LARP4B: variants seen among roughly 807,000 people sequenced by gnomAD.
The protein encoded by LARP4B is la-related protein 4B.
A neutral mutation model predicts 89.8 loss-of-function variants in LARP4B; 12 were observed. The observed-to-expected ratio is 0.13, with a 90% confidence interval of 0.09 to 0.22. The LOEUF (loss-of-function observed/expected upper bound fraction) is 0.22, where lower values mean the gene tolerates loss of function less well. LARP4B is among the 10% of genes least tolerant of loss of function. The pLI, the probability that LARP4B is intolerant of heterozygous loss-of-function variation, is 1.00. For missense variants in LARP4B, 757 were observed against 947.7 expected (o/e 0.80, Z 2.64); for synonymous variants, 367 against 363.3 (o/e 1.01, Z -0.12).
chr10:887,545 T>TA (rs1835894913), intron 1 of LARP4B, among the ~76,000 whole-genome samples: 1 of 135,520 alleles, frequency 7.4e-6, no homozygotes, highest in South Asian at 2.4e-4. Flanking sequence ...ACCTCATCTC[T>TA]CTAAAAAATT....
At chr10:914,692 G>C (rs1836769902) in intron 1 of LARP4B, among the ~76,000 whole-genome samples, 1 of 150,172 alleles carries the variant, frequency 6.7e-6, no homozygotes, top group Non-Finnish European at 1.5e-5. Flanking sequence ...CCACTCGAGA[G>C]GCTGAGGCAA....
At chr10:832,596 A>C (rs1832966283) in intron 8 of LARP4B, among the ~76,000 whole-genome samples, 1 of 152,270 alleles carries the variant, frequency 6.6e-6, no homozygotes, top group Admixed American at 6.5e-5. Flanking sequence ...AGCCAGAGAA[A>C]GACTTATTAC....
At chr10:856,227 C>T (rs185545447) in intron 5 of LARP4B, among the ~76,000 whole-genome samples, 2 of 152,220 alleles carry the variant, frequency 1.3e-5, no homozygotes, top group East Asian at 1.9e-4. Flanking sequence ...AAGTACATTG[C>T]GTATCTGGAC....
the LARP4B span, among the ~76,000 whole-genome samples, chr10:938,032 G>A: frequency 5.4e-5 from 8 of 147,494 alleles, no homozygotes; most frequent in Non-Finnish European, 1.2e-4. Flanking sequence ...CTACAGGCAC[G>A]CACCACCACA....
intron 8 of LARP4B, among the ~76,000 whole-genome samples, chr10:833,357 C>A (rs1833030830): frequency 6.6e-6 from 1 of 151,196 alleles, no homozygotes; most frequent in Admixed American, 6.6e-5. Context: ...CGGCATGCCG[C>A]CCACGGGCTG....
chr10:877,064 C>T (rs1483293927), intron 3 of LARP4B, among the ~76,000 whole-genome samples: 6 of 152,222 alleles, frequency 3.9e-5, no homozygotes, highest in Non-Finnish European at 8.8e-5. Context: ...TCCGAGGCGG[C>T]TCTGGGCAGC....
chr10:987,546 T>C, the LARP4B span: 1 of 152,246 alleles, frequency 6.6e-6, no homozygotes, highest in East Asian at 1.9e-4. Context: ...GTGCCTTTGT[T>C]TCCCCATGCA....
At chr10:851,174 CACTA>C (rs1229281103) in intron 5 of LARP4B, among the ~76,000 whole-genome samples, 165 of 149,372 alleles carry the variant, frequency 1.1e-3, no homozygotes, top group Non-Finnish European at 1.9e-3. Context: ...AAAATGAAAA[CACTA>C]ACTTTTTTTT....
At chr10:938,280 T>A in the LARP4B span, among the ~76,000 whole-genome samples, 1 of 148,764 alleles carries the variant, frequency 6.7e-6, no homozygotes, top group Non-Finnish European at 1.5e-5. Flanking sequence ...AGACGGAGTC[T>A]CGCTCTGTCA....
chr10:863,685 A>C, intron 5 of LARP4B, 58 bp downstream of exon 5: 1 of 1,509,744 alleles, frequency 6.6e-7, no homozygotes, highest in Non-Finnish European at 8.9e-7. Context: ...TCTAAATAAA[A>C]AAAATAAATA....
chr10:828,560 A>G (rs901250345), intron 11 of LARP4B, among the ~76,000 whole-genome samples: 2 of 152,178 alleles, frequency 1.3e-5, no homozygotes, highest in African/African-American at 2.4e-5. Flanking sequence ...CCTGAGGACC[A>G]CTCAGTCTTT....
At position 842,972 on chromosome 10, in the gene LARP4B, C is replaced by G; in HGVS notation, c.606G>C (p.Lys202Asn). The G allele has an allele frequency of 6.2e-7, 1 of 1,614,128 alleles. No individual in the cohort carries two copies. Among genetic ancestry groups the G allele is most frequent in the Non-Finnish European group, 8.5e-7 (1 of 1,179,958 alleles). The change falls in exon 7 of 18, where the codon AAG becomes AAC. Residue 202 changes from lysine (K) to asparagine (N), a missense_variant. By Grantham distance (94) the Lys-to-Asn change is moderately conservative. This residue lies in a region of LARP4B where 54 missense variants were observed against 96.0 expected (regional missense o/e 0.56). Coordinates refer to ENST00000316157, the MANE Select transcript of LARP4B (RefSeq NM_015155.3). ...CAATCAAGTCCACATCAGTGCTGAGCTTCTTGATGTGGTCGAGGTTAGCCA... is the reference window on the plus strand; with the variant it reads ...CAATCAAGTCCACATCAGTGCTGAGGTTCTTGATGTGGTCGAGGTTAGCCA... ...TTVANLDHIK[K>N]LSTDVDLIVE...
intron 14 of LARP4B, chr10:819,904 C>T (rs1216718334): frequency 6.6e-6 from 1 of 152,276 alleles, no homozygotes; most frequent in Admixed American, 6.5e-5. Context: ...CTCCAGCATT[C>T]CTTGTATGGA....
intron 5 of LARP4B, among the ~76,000 whole-genome samples, chr10:846,143 C>T (rs545632546): frequency 2.0e-5 from 3 of 152,224 alleles, no homozygotes; most frequent in South Asian, 2.1e-4. Flanking sequence ...AAGGTGTCTC[C>T]GGGTCACTCA....
intron 11 of LARP4B, among the ~76,000 whole-genome samples, chr10:828,793 C>T (rs181313235): frequency 2.8e-4 from 42 of 152,328 alleles, no homozygotes; most frequent in Non-Finnish European, 2.8e-4. Flanking sequence ...TGCTGACTCT[C>T]GTGCATCCAA....
At position 921,783 on chromosome 10, in the gene LARP4B, G is replaced by A. The variant is rs569403015; in HGVS notation, c.-40+9645C>T. 2.2e-4 allele frequency among the ~76,000 whole-genome samples: 34 copies of A among 152,216 alleles called. 1 individual carries two copies. In the South Asian group the frequency reaches 6.6e-3, roughly 30 times the overall value. On this transcript the variant is annotated intron_variant, in intron 1 of 17. Transcript: ENST00000316157. ...CTTAGGTTTAACTCTCCTGTACTGA[G>A]CCCTAAAGAATAATGATTTCAGCAG...
chr10:823,336 C>G (rs553531114), intron 13 of LARP4B, among the ~76,000 whole-genome samples: 2 of 152,092 alleles, frequency 1.3e-5, no homozygotes, highest in Non-Finnish European at 1.5e-5. Context: ...GAGAGAGGGT[C>G]TCCATTGGTG....
the LARP4B span, among the ~76,000 whole-genome samples, chr10:945,178 G>T: frequency 2.0e-5 from 3 of 151,838 alleles, no homozygotes; most frequent in Middle Eastern, 3.4e-3. Context: ...GAGGTCAGGA[G>T]TTCGAGACCA....
intron 1 of LARP4B, among the ~76,000 whole-genome samples, chr10:890,379 A>C (rs1371833220): frequency 6.6e-6 from 1 of 152,246 alleles, no homozygotes; most frequent in Non-Finnish European, 1.5e-5. Context: ...GCTTGAAATA[A>C]ATACGGGATG....
Sources: gnomAD v4.1 joint callset for allele counts (sites outside exome capture counted in the v4.1 genomes callset) on GRCh38, gnomAD v4.1.1 for gene constraint, gnomAD v4.1.1 regional missense constraint, MANE v1.5 for transcripts, NCBI Gene and HGNC (gene_info 2026-07-23, HGNC 2026-07-21) for gene names.